Variants in ZC3H14 observed in about 807,000 individuals in gnomAD.
The protein encoded by ZC3H14 is zinc finger CCCH-type containing 14.
In ZC3H14, 31 loss-of-function variants were observed where a neutral mutation model predicts 92.4. That is an observed-to-expected ratio of 0.34 (90% CI 0.25 to 0.45). The LOEUF is 0.45. Among genes scored for constraint, ZC3H14 ranks in the 20% least tolerant of loss-of-function variants. The pLI, the probability that ZC3H14 is intolerant of heterozygous loss-of-function variation, is 1.00. For synonymous variants in ZC3H14, 321 were observed against 300.9 expected (o/e 1.07, Z -0.69); for missense variants, 781 against 897.3 (o/e 0.87, Z 1.66).
chr14:88,573,649 G>A (rs1236458553), intron 6 of ZC3H14: 1 of 152,012 alleles, frequency 6.6e-6, no homozygotes, highest in Non-Finnish European at 1.5e-5. Flanking sequence ...GGCTGGTCTT[G>A]AAATCCTGGC....
At chr14:88,596,639 T>C (rs2083859325) in intron 9 of ZC3H14, 95 bp from the exon 10 acceptor site, 6 of 1,058,274 alleles carry the variant, frequency 5.7e-6, no homozygotes, top group South Asian at 5.1e-5. Context: ...TTTTAAGACT[T>C]CAAGTTAAGA....
rs774189173 is a variant in ZC3H14, at chr14:88,618,965, G to A, written c.*7214G>A. On this transcript the variant is annotated 3_prime_UTR_variant, in exon 17 of 17. Coordinates refer to ENST00000251038, the MANE Select transcript of ZC3H14 (RefSeq NM_024824.5). ...AGACACAACTGATCATGTATACTGA[G>A]ATTGTCTGGGTTACATGAAATAAGG... The A allele has an allele frequency of 3.1e-4, 182 of 591,292 alleles. No homozygotes were observed. The highest frequency in any genetic ancestry group is 4.7e-4 in the Non-Finnish European group (172 of 369,386). The allele number at this position is 591,292 out of a possible 1,614,324, so 36.6% of individuals were successfully genotyped here.
chr14:88,579,824 G>T (rs1261204519), intron 9 of ZC3H14, among the ~76,000 whole-genome samples: 1 of 152,166 alleles, frequency 6.6e-6, no homozygotes, highest in African/African-American at 2.4e-5. Flanking sequence ...ATGAAAGCAT[G>T]CTGAAAGGTA....
chr14:88,571,207 A>G, intron 4 of ZC3H14, 83 bp downstream of exon 4: 5 of 1,248,514 alleles, frequency 4.0e-6, no homozygotes, highest in Non-Finnish European at 5.6e-6. Context: ...TGCTTTGGGA[A>G]AAACCCATCA....
Position 88,621,243 on chromosome 14 carries a change from G to T in ZC3H14, c.*9492G>T. ...ACCGTTAACTAAAATATTACAAGCT[G>T]CATTTTTCTCTCCAACTTCGATTAT... On this transcript the variant is annotated 3_prime_UTR_variant, in exon 17 of 17. Coordinates refer to ENST00000251038, the MANE Select transcript of ZC3H14 (RefSeq NM_024824.5). The T allele has an allele frequency of 6.2e-7, 1 of 1,613,848 alleles. No homozygotes were observed. The highest frequency in any genetic ancestry group is 8.5e-7 in the Non-Finnish European group (1 of 1,179,860).
In ZC3H14 at chr14:88,575,822, C is replaced by G; in HGVS notation, c.1023-18C>G. 1 of 1,593,936 alleles carries G rather than the reference C, an allele frequency of 6.3e-7. No homozygotes were observed. On this transcript the variant is annotated intron_variant, in intron 7 of 16. Transcript: ENST00000251038. Reference sequence around the variant, plus strand: ...GAAATTTAAAGTTTAATAAAAATACCTTTCTTAACTCTTTTAGACCTTCTC... The same window carrying G: ...GAAATTTAAAGTTTAATAAAAATACGTTTCTTAACTCTTTTAGACCTTCTC...
rs946223649 is a variant in ZC3H14 at position 88,612,953 on chromosome 14, A to G, written c.*1202A>G. The G allele has an allele frequency of 6.6e-6, 1 of 151,230 alleles. No individual in the cohort carries two copies. The highest frequency in any genetic ancestry group is 2.4e-5 in the African/African-American group (1 of 40,880). 9.4% of individuals were successfully genotyped at this position (151,230 alleles called of 1,614,324 possible). On this transcript the variant is annotated 3_prime_UTR_variant, in exon 17 of 17. Transcript: ENST00000251038. ...TGCAAAAGGGGTAATAAAGACTGCAACATTCTCAGGACCAAATTAAACTGC... is the reference window on the plus strand; with the variant it reads ...TGCAAAAGGGGTAATAAAGACTGCAGCATTCTCAGGACCAAATTAAACTGC...
chr14:88,579,024 A>G (rs567076634), intron 9 of ZC3H14, among the ~76,000 whole-genome samples: 1 of 152,150 alleles, frequency 6.6e-6, no homozygotes, highest in South Asian at 2.1e-4. Context: ...TTTGTCGTCA[A>G]GAAGGATTCT....
At position 88,563,646 on chromosome 14, in the gene ZC3H14, C is replaced by A. The variant is rs369058779; in HGVS notation, c.37-5C>A. 3 of 1,614,082 alleles carry A rather than the reference C, an allele frequency of 1.9e-6. No homozygotes were observed. In the African/African-American group the frequency reaches 4.0e-5, roughly 22 times the overall value. Reference sequence around the variant, plus strand: ...TCACATGCACGTTTGCTCTTTTTCTCTCAGAGTGCCATTAAGGGGAAATTA... The same window carrying A: ...TCACATGCACGTTTGCTCTTTTTCTATCAGAGTGCCATTAAGGGGAAATTA... On this transcript the variant is annotated splice_region_variant and splice_polypyrimidine_tract_variant and intron_variant, in intron 1 of 16. Coordinates refer to ENST00000251038, the MANE Select transcript of ZC3H14 (RefSeq NM_024824.5).
intron 1 of ZC3H14, 188 bp from the exon 2 acceptor site, chr14:88,563,463 C>G: frequency 6.9e-7 from 1 of 1,447,854 alleles, no homozygotes; most frequent in Non-Finnish European, 9.0e-7. Flanking sequence ...GAGGTGGGCG[C>G]CGCGGGGCTG....
chr14:88,602,215 C>G (rs1294093626), intron 11 of ZC3H14, 132 bp downstream of exon 11: 2 of 1,213,236 alleles, frequency 1.6e-6, no homozygotes, highest in African/African-American at 1.5e-5. Context: ...AGTAGCTAGC[C>G]CATGAATAGT....
intron 9 of ZC3H14, among the ~76,000 whole-genome samples, chr14:88,585,173 T>C (rs1595641533): frequency 1.3e-5 from 2 of 152,262 alleles, no homozygotes; most frequent in Admixed American, 1.3e-4. Flanking sequence ...GAGTTTGCCT[T>C]TTATTGGAGA....
chr14:88,610,090 G>A (rs1358780302), intron 15 of ZC3H14, among the ~76,000 whole-genome samples: 2 of 152,100 alleles, frequency 1.3e-5, no homozygotes, highest in Non-Finnish European at 2.9e-5. Flanking sequence ...GTTTTAGCGG[G>A]GGCTGGGGGG....
At position 88,578,190 on chromosome 14, in the gene ZC3H14, C is replaced by G. The variant is rs772226378; in HGVS notation, c.1279+50C>G. 7.5e-6 allele frequency: 12 copies of G among 1,593,936 alleles called. No homozygotes were observed. In the South Asian group the frequency reaches 1.3e-4, roughly 18 times the overall value. On this transcript the variant is annotated intron_variant, in intron 9 of 16. Transcript: ENST00000251038. The stretch of plus-strand genomic sequence containing the variant: ...TCTTTACTACAGTTTTTTCATGAGG[C>G]ATTGAATATTTTCCAATGGATTTTT...
intron 2 of ZC3H14, among the ~76,000 whole-genome samples, chr14:88,564,394 C>T (rs2079292874): frequency 6.6e-6 from 1 of 152,108 alleles, no homozygotes; most frequent in Non-Finnish European, 1.5e-5. Flanking sequence ...AGGTAAGTGG[C>T]AGTATCTTTG....
intron 6 of ZC3H14, 170 bp from the exon 7 acceptor site, chr14:88,574,523 G>C: frequency 1.3e-6 from 1 of 792,068 alleles, no homozygotes; most frequent in Non-Finnish European, 2.0e-6. Flanking sequence ...GATTACAGAT[G>C]TGAGCCACCA....
rs757023723 is a variant in ZC3H14, at chr14:88,601,882, A to G, written c.1355-42A>G. ...ATATATAATGTTGGGAATGTAAGGTATATTCAAAAGTAAACATTTGTGGCC... is the reference window on the plus strand; with the variant it reads ...ATATATAATGTTGGGAATGTAAGGTGTATTCAAAAGTAAACATTTGTGGCC... On this transcript the variant is annotated intron_variant, in intron 10 of 16. Coordinates refer to ENST00000251038, the MANE Select transcript of ZC3H14 (RefSeq NM_024824.5). 1.9e-6 allele frequency: 3 copies of G among 1,606,426 alleles called. No homozygotes were observed. In the African/African-American group the frequency reaches 4.0e-5, roughly 21 times the overall value.
chr14:88,565,484 A>G (rs2079444733), intron 2 of ZC3H14, among the ~76,000 whole-genome samples: 1 of 152,188 alleles, frequency 6.6e-6, no homozygotes, highest in African/African-American at 2.4e-5. Flanking sequence ...ATACTGCATA[A>G]TGAAATATAT....
chr14:88,563,179 G>A lies in ZC3H14; in HGVS notation c.36+10G>A. ...CAGCCGCAAGATCCGGGTGAGGCCCGTGCCGGTCGGGGGTGGGAAGCCAGG... is the reference window on the plus strand; with the variant it reads ...CAGCCGCAAGATCCGGGTGAGGCCCATGCCGGTCGGGGGTGGGAAGCCAGG... On this transcript the variant is annotated intron_variant, in intron 1 of 16. Transcript: ENST00000251038. 6.2e-7 allele frequency: 1 copy of A among 1,603,568 alleles called. No individual in the cohort carries two copies. Among genetic ancestry groups the A allele is most frequent in the South Asian group, 1.1e-5 (1 of 89,660 alleles).
Sources: allele counts gnomAD v4.1 joint callset (sites outside exome capture counted in the v4.1 genomes callset), GRCh38; gene constraint gnomAD v4.1.1; transcripts MANE v1.5; gene names NCBI Gene and HGNC (gene_info 2026-07-23, HGNC 2026-07-21).